Variants in SYNPO2 observed in about 807,000 individuals in gnomAD.
The protein encoded by SYNPO2 is synaptopodin-2.
In SYNPO2, 56 loss-of-function variants were observed where a neutral mutation model predicts 85.0. The ratio of observed to expected loss-of-function variants is 0.66; its 90% CI spans 0.53 to 0.82. The LOEUF (loss-of-function observed/expected upper bound fraction) is 0.82. Among genes scored for constraint, SYNPO2 ranks in the 40% least tolerant of loss-of-function variants. The pLI, the probability that SYNPO2 is intolerant of heterozygous loss-of-function variation, is 0.00. For missense variants in SYNPO2, 1,575 were observed against 1,534.2 expected, an observed-to-expected ratio of 1.03 and a Z score of -0.44; for synonymous variants, 602 against 591.1, an observed-to-expected ratio of 1.02 and a Z score of -0.27.
intron 1 of SYNPO2, among the ~76,000 whole-genome samples, chr4:119,004,198 C>A (rs1401577065): frequency 6.6e-6 from 1 of 151,994 alleles, no homozygotes; most frequent in Non-Finnish European, 1.5e-5. Flanking sequence ...CAAGTCTGTC[C>A]ATTTGTGGAA....
At chr4:118,946,713 T>G (rs576606968) in intron 1 of SYNPO2, among the ~76,000 whole-genome samples, 1 of 152,316 alleles carries the variant, frequency 6.6e-6, no homozygotes, top group South Asian at 2.1e-4. Context: ...TCCTAGAAAG[T>G]TACAATAAAG....
chr4:118,975,623 AATTT>A (rs1196250637), intron 1 of SYNPO2, among the ~76,000 whole-genome samples: 8 of 152,182 alleles, frequency 5.3e-5, no homozygotes, highest in Admixed American at 5.2e-4. Flanking sequence ...GTTACCACAC[AATTT>A]ATTAAGGGCA....
chr4:119,008,396 A>G (rs1010553160), intron 1 of SYNPO2, among the ~76,000 whole-genome samples: 3 of 151,510 alleles, frequency 2.0e-5, no homozygotes, highest in Non-Finnish European at 4.4e-5. Context: ...TGAAATGAGC[A>G]GTGGACATTT....
chr4:119,027,861 C>A, intron 3 of SYNPO2, among the ~76,000 whole-genome samples: 1 of 148,448 alleles, frequency 6.7e-6, no homozygotes, highest in East Asian at 2.0e-4. Flanking sequence ...AAAAGCTCTA[C>A]CATTGATATC....
chr4:118,921,051 C>T (rs1394835063), intron 1 of SYNPO2, among the ~76,000 whole-genome samples: 2 of 151,948 alleles, frequency 1.3e-5, no homozygotes, highest in Admixed American at 6.6e-5. Flanking sequence ...ACTACAAGCG[C>T]GCATCAACAC....
At position 118,952,583 on chromosome 4, in the gene SYNPO2, T is replaced by G. The variant is rs28526423; in HGVS notation, c.105+63442T>G. On this transcript the variant is annotated intron_variant, in intron 1 of 4. Transcript: ENST00000307142. ...ATACAATTCTCAAATTTCATTCTAG[T>G]AAGACAGGTAAAATTGGTAAAAATA... is the stretch of plus-strand genomic sequence containing the variant. 7.1e-3 allele frequency among the ~76,000 whole-genome samples: 1,088 copies of G among 152,282 alleles called. 16 individuals carry two copies. The highest frequency in any genetic ancestry group is 0.023 in the African/African-American group (974 of 41,584).
intron 4 of SYNPO2, chr4:119,035,170 C>A (rs1738456259): frequency 1.0e-6 from 1 of 985,462 alleles, no homozygotes; most frequent in Non-Finnish European, 1.2e-6. Context: ...CAGTCACTGA[C>A]TTTCTGCAGG....
At chr4:119,011,498 G>T (rs145728273) in intron 1 of SYNPO2, among the ~76,000 whole-genome samples, 1 of 152,132 alleles carries the variant, frequency 6.6e-6, no homozygotes, top group African/African-American at 2.4e-5. Flanking sequence ...AGGTATCTCT[G>T]ATGTCCAACA....
chr4:118,983,572 T>C (rs1389578947), intron 1 of SYNPO2, among the ~76,000 whole-genome samples: 1 of 152,190 alleles, frequency 6.6e-6, no homozygotes, highest in African/African-American at 2.4e-5. Context: ...TGAAATACTT[T>C]CTTCATCAGA....
At chr4:118,949,892 T>C (rs1296907458) in intron 1 of SYNPO2, among the ~76,000 whole-genome samples, 2 of 152,220 alleles carry the variant, frequency 1.3e-5, no homozygotes, top group Non-Finnish European at 2.9e-5. Flanking sequence ...TAATTAGTTT[T>C]ACTTGATTTT....
intron 1 of SYNPO2, among the ~76,000 whole-genome samples, chr4:118,996,519 GGAGA>G (rs1254988854): frequency 6.6e-6 from 1 of 152,110 alleles, no homozygotes; most frequent in African/African-American, 2.4e-5. Context: ...CTTCTCTCAA[GGAGA>G]GAGATACACT....
At chr4:118,906,630 C>G (rs185309101) in intron 1 of SYNPO2, among the ~76,000 whole-genome samples, 1 of 151,944 alleles carries the variant, frequency 6.6e-6, no homozygotes, top group Non-Finnish European at 1.5e-5. Context: ...ATTATTTATA[C>G]AGTATTGTTT....
intron 1 of SYNPO2, among the ~76,000 whole-genome samples, chr4:118,890,697 T>TTCTC (rs796242049): frequency 0.047 from 3,843 of 81,744 alleles, 224 homozygotes; most frequent in African/African-American, 0.11. Flanking sequence ...TCTCATCGGT[T>TTCTC]TCTCTCTCTC....
chr4:118,916,471 C>G (rs1733328202), intron 1 of SYNPO2, among the ~76,000 whole-genome samples: 1 of 151,794 alleles, frequency 6.6e-6, no homozygotes, highest in Non-Finnish European at 1.5e-5. Context: ...CAGAGCCTGG[C>G]CTATTTTTTT....
At chr4:118,935,038 C>A (rs999820133) in intron 1 of SYNPO2, among the ~76,000 whole-genome samples, 1 of 152,066 alleles carries the variant, frequency 6.6e-6, no homozygotes, top group Non-Finnish European at 1.5e-5. Context: ...GGCTCAATAT[C>A]CCCCATTCTT....
At chr4:118,961,097 C>CCG (rs756329258) in intron 1 of SYNPO2, among the ~76,000 whole-genome samples, 33 of 46,918 alleles carry the variant, frequency 7.0e-4, no homozygotes, top group East Asian at 4.2e-3. Flanking sequence ...GGCTATTTTA[C>CCG]CGCCCCCCCC....
At chr4:118,884,909 C>G (rs754254567), upstream of SYNPO2, among the ~76,000 whole-genome samples, 1 of 152,122 alleles carries the variant, frequency 6.6e-6, no homozygotes. Flanking sequence ...GACCTTTAGA[C>G]TGAGAGGGAA....
At chr4:118,938,352 A>G (rs1282675638) in intron 1 of SYNPO2, among the ~76,000 whole-genome samples, 7 of 152,222 alleles carry the variant, frequency 4.6e-5, no homozygotes, top group Admixed American at 2.0e-4. Flanking sequence ...ATTTATATAT[A>G]TATGTGTACA....
intron 1 of SYNPO2, among the ~76,000 whole-genome samples, chr4:118,957,906 T>C (rs1042719092): frequency 2.6e-5 from 4 of 152,182 alleles, no homozygotes; most frequent in Admixed American, 2.6e-4. Flanking sequence ...CCATGGCTGC[T>C]CACTCCCGTC....
Sources: gnomAD v4.1 joint callset for allele counts (sites outside exome capture counted in the v4.1 genomes callset) on GRCh38, gnomAD v4.1.1 for gene constraint, MANE v1.5 for transcripts, NCBI Gene and HGNC (gene_info 2026-07-23, HGNC 2026-07-21) for gene names.